PPWD1: variants seen among roughly 807,000 people sequenced by gnomAD.
PPWD1 encodes peptidylprolyl isomerase domain and WD repeat containing 1.
In PPWD1, 43 loss-of-function variants were observed where a neutral mutation model predicts 68.8. The observed-to-expected ratio is 0.62, with a 90% CI of 0.49 to 0.81. The LOEUF (loss-of-function observed/expected upper bound fraction) is 0.81. Among genes scored for constraint, PPWD1 ranks in the 30% least tolerant of loss-of-function variants. PPWD1 has a pLI of 0.00. For missense variants in PPWD1, 672 were observed against 804.8 expected (o/e 0.83, Z 2.00); for synonymous variants, 232 against 258.7 (o/e 0.90, Z 0.99).
At position 65,583,201 on chromosome 5, in the gene PPWD1, C is replaced by T. The variant is rs138922075; in HGVS notation, c.1514C>T (p.Thr505Ile). The T allele has an allele frequency of 1.4e-5, 23 of 1,588,944 alleles. No homozygotes were observed. Among genetic ancestry groups the T allele is most frequent in the East Asian group, 2.2e-5 (1 of 44,546 alleles). ...CACACCAGCATGGGAGACATTCACA[C>T]CAAACTTTTTCCTGTTGAGTATGTA... ...IIHTSMGDIH[T>I]KLFPVECPKT... is the part of the protein sequence containing the mutation. The change falls in exon 8 of 11, where the codon ACC (threonine) becomes ATC (isoleucine). Residue 505 changes from threonine to isoleucine, a missense_variant. Transcript: ENST00000261308.
intron 1 of PPWD1, chr5:65,563,719 T>C (rs1752461376): frequency 3.5e-6 from 5 of 1,413,588 alleles, no homozygotes; most frequent in Non-Finnish European, 4.8e-6. Flanking sequence ...CTAACACTTT[T>C]GATCATTGAT....
intron 4 of PPWD1, among the ~76,000 whole-genome samples, chr5:65,571,451 A>G (rs183756037): frequency 1.6e-4 from 25 of 152,354 alleles, no homozygotes; most frequent in Non-Finnish European, 1.3e-4. Context: ...TATAAAATAC[A>G]CTATTACATG....
chr5:65,576,327 G>T (rs555395594), intron 5 of PPWD1: 1 of 984,178 alleles, frequency 1.0e-6, no homozygotes, highest in South Asian at 4.7e-5. Flanking sequence ...TTAACCAACC[G>T]GGTTTTGTTT....
chr5:65,574,448 CTTTTTTTTTT>C (rs573705705), intron 5 of PPWD1, among the ~76,000 whole-genome samples: 4 of 91,976 alleles, frequency 4.3e-5, no homozygotes, highest in Non-Finnish European at 8.2e-5. Context: ...ACACAAATCT[CTTTTTTTTTT>C]TTTTTTTTTT....
At chr5:65,576,452 C>T (rs1753283988) in intron 5 of PPWD1, 5 of 566,896 alleles carry the variant, frequency 8.8e-6, no homozygotes, top group Non-Finnish European at 1.1e-5. Flanking sequence ...TTTCGGCTCA[C>T]TGCAGCGTCT....
At chr5:65,582,835 T>A in intron 7 of PPWD1, 1 of 580,484 alleles carries the variant, frequency 1.7e-6, no homozygotes, top group Non-Finnish European at 2.6e-6. Flanking sequence ...TTCAGTATGT[T>A]ATGTGGATCC....
At position 65,585,041 on chromosome 5, in the gene PPWD1, T is replaced by A; in HGVS notation, c.1560T>A (p.Cys520Ter). Reference protein sequence around the residue: ...VECPKTVENFCVHSRNGYYNG... With the variant: ...VECPKTVENF ...GCCCTAAGACAGTGGAAAACTTCTG[T>A]GTTCACAGCAGAAATGGTTATTATA... is the stretch of plus-strand genomic sequence containing the variant. The change falls in exon 9 of 11, where the codon TGT becomes TGA. Residue 520 changes from cysteine to a stop codon, truncating the protein, a stop_gained. Coordinates refer to ENST00000261308, the MANE Select transcript of PPWD1 (RefSeq NM_015342.4). LOFTEE classifies it high-confidence loss of function. 6.2e-7 allele frequency: 1 copy of A among 1,612,698 alleles called. No individual in the cohort carries two copies. Among genetic ancestry groups the A allele is most frequent in the Non-Finnish European group, 8.5e-7 (1 of 1,178,928 alleles).
intron 8 of PPWD1, among the ~76,000 whole-genome samples, chr5:65,583,814 T>C (rs1301609136): frequency 3.3e-5 from 5 of 152,104 alleles, no homozygotes; most frequent in Non-Finnish European, 7.4e-5. Flanking sequence ...TAGCTGGGCA[T>C]GGTGGCACGC....
rs764237351 is a variant in PPWD1 at position 65,585,067 on chromosome 5, A to C, written c.1586A>C (p.Asn529Thr). 11 of 1,611,816 alleles carry C rather than the reference A, an allele frequency of 6.8e-6. No individual in the cohort carries two copies. Among genetic ancestry groups the C allele is most frequent in the Non-Finnish European group, 8.5e-6 (10 of 1,178,226 alleles). The change falls in exon 9 of 11, where the codon AAT becomes ACT. Residue 529 changes from asparagine (N) to threonine (T), a missense_variant. Physicochemically the swap from Asn to Thr is moderately conservative, Grantham distance 65. Around this residue, in one of 2 missense-constraint regions of PPWD1, gnomAD observed 484 missense variants for 646.2 expected, o/e 0.75. Coordinates refer to ENST00000261308, the MANE Select transcript of PPWD1 (RefSeq NM_015342.4). Reference protein sequence around the residue: ...FCVHSRNGYYNGHTFHRIIKG... With the variant: ...FCVHSRNGYYTGHTFHRIIKG... Reference sequence around the variant, plus strand: ...GTTCACAGCAGAAATGGTTATTATAATGGGCATACATTTCACCGTATAATT... The same window carrying C: ...GTTCACAGCAGAAATGGTTATTATACTGGGCATACATTTCACCGTATAATT...
rs199602684 is a variant in PPWD1, at chr5:65,569,634, C to A, written c.302C>A (p.Thr101Lys). The A allele has an allele frequency of 6.4e-7, 1 of 1,573,294 alleles. No homozygotes were observed. Among genetic ancestry groups the A allele is most frequent in the African/African-American group, 1.4e-5 (1 of 73,864 alleles). ...DVITHVVCTKTDFIITASHDG... is the reference protein window; with the variant it reads ...DVITHVVCTKKDFIITASHDG... The stretch of plus-strand genomic sequence containing the variant: ...CTTTTAACATTTCATATATGCAGAA[C>A]AGATTTTATTATTACTGCCAGTCAT... The change falls in exon 3 of 11, where the codon ACA becomes AAA. Residue 101 changes from threonine to lysine, a missense_variant and splice_region_variant. By Grantham distance (78) the Thr-to-Lys change is moderately conservative (BLOSUM62 -1). Coordinates refer to ENST00000261308, the MANE Select transcript of PPWD1 (RefSeq NM_015342.4).
intron 8 of PPWD1, among the ~76,000 whole-genome samples, chr5:65,584,164 C>T (rs1342484118): frequency 1.3e-5 from 2 of 151,926 alleles, no homozygotes; most frequent in Non-Finnish European, 1.5e-5. Flanking sequence ...CGTTTTATAC[C>T]ATATCTTGGT....
chr5:65,573,177 T>G (rs1753092482), intron 5 of PPWD1, among the ~76,000 whole-genome samples: 1 of 92,952 alleles, frequency 1.1e-5, no homozygotes. Context: ...AGTGAGGCCC[T>G]CCCTCCTCAT....
At chr5:65,583,604 G>T (rs1753693914) in intron 8 of PPWD1, among the ~76,000 whole-genome samples, 1 of 152,148 alleles carries the variant, frequency 6.6e-6, no homozygotes, top group African/African-American at 2.4e-5. Flanking sequence ...CTTACCAACA[G>T]TTGCTAGATA....
Position 65,587,516 on chromosome 5 carries a change from G to T in PPWD1, c.*120G>T. The T allele has an allele frequency of 1.2e-6, 1 of 817,948 alleles. No individual in the cohort carries two copies. Among genetic ancestry groups the T allele is most frequent in the Non-Finnish European group, 1.7e-6 (1 of 586,628 alleles). 50.7% of individuals were successfully genotyped at this position (817,948 alleles called of 1,614,324 possible). A position where few individuals can be genotyped will look rare whatever the true frequency, so the allele number is the denominator to read the frequency against. On this transcript the variant is annotated 3_prime_UTR_variant, in exon 11 of 11. Transcript: ENST00000261308. ...CATGTTTCAAAGATACAGTATTTTT[G>T]TATTTTTTATTAAAGGCTATTTTTT...
intron 1 of PPWD1, 57 bp downstream of exon 1, chr5:65,563,563 G>A (rs1451446399): frequency 6.5e-7 from 1 of 1,535,188 alleles, no homozygotes; most frequent in Non-Finnish European, 8.8e-7. Context: ...TGAGTAGGAG[G>A]GTTCAAGCCA....
intron 2 of PPWD1, 198 bp from the exon 3 acceptor site, chr5:65,569,434 T>G (rs975902084): frequency 3.1e-5 from 13 of 420,328 alleles, no homozygotes; most frequent in Non-Finnish European, 5.3e-5. Context: ...TTAGTACAGC[T>G]GTAACTGTTT....
intron 4 of PPWD1, 140 bp from the exon 5 acceptor site, chr5:65,571,699 C>CTA (rs1255932484): frequency 7.3e-7 from 1 of 1,362,700 alleles, no homozygotes; most frequent in Non-Finnish European, 9.7e-7. Context: ...CCTCCCCATT[C>CTA]TGTGTCTCTG....
At position 65,583,071 on chromosome 5, in the gene PPWD1, G is replaced by A. The variant is rs765426314; in HGVS notation, c.1384G>A (p.Ala462Thr). 1.9e-6 allele frequency: 3 copies of A among 1,608,306 alleles called. No individual in the cohort carries two copies. Among genetic ancestry groups the A allele is most frequent in the Non-Finnish European group, 1.7e-6 (2 of 1,177,794 alleles). Residue 462 changes from alanine (A) to threonine (T), a missense_variant, in exon 8 of 11, where the codon GCA becomes ACA. Physicochemically the swap from Ala to Thr is moderately conservative, Grantham distance 58. Coordinates refer to ENST00000261308, the MANE Select transcript of PPWD1 (RefSeq NM_015342.4). ...ACGAGAACCAGAAGATACGAAAAGTGCAGATTCTGATCGAGATGTTTTTAA... is the reference window on the plus strand; with the variant it reads ...ACGAGAACCAGAAGATACGAAAAGTACAGATTCTGATCGAGATGTTTTTAA... ...TKREPEDTKS[A>T]DSDRDVFNEK...
Position 65,572,067 on chromosome 5 carries a change from G to A in PPWD1, c.750G>A (p.Trp250Ter). ...SSDKSGMIEY[W>*]TGPPHEYKFP... Reference sequence around the variant, plus strand: ...ACAAATCTGGGATGATTGAATACTGGACTGGGCCTCCTCATGAATATAAAT... The same window carrying A: ...ACAAATCTGGGATGATTGAATACTGAACTGGGCCTCCTCATGAATATAAAT... The change falls in exon 5 of 11, where the codon TGG becomes TGA. Residue 250 changes from tryptophan (W) to a stop codon, truncating the protein, a stop_gained. Coordinates refer to ENST00000261308, the MANE Select transcript of PPWD1 (RefSeq NM_015342.4). LOFTEE classifies it high-confidence loss of function. 6.2e-7 allele frequency: 1 copy of A among 1,613,764 alleles called. No homozygotes were observed.
Sources: gnomAD v4.1 joint callset for allele counts (sites outside exome capture counted in the v4.1 genomes callset) on GRCh38, gnomAD v4.1.1 for gene constraint, gnomAD v4.1.1 regional missense constraint, MANE v1.5 for transcripts, NCBI Gene and HGNC (gene_info 2026-07-23, HGNC 2026-07-21) for gene names.